JMJD1C: variants seen among roughly 807,000 people sequenced by gnomAD.
JMJD1C encodes the protein jumonji domain containing 1C.
JMJD1C carries 31 observed loss-of-function variants against 245.3 expected under a neutral mutation model. The ratio of observed to expected loss-of-function variants is 0.13; its 90% CI spans 0.09 to 0.17. The LOEUF (loss-of-function observed/expected upper bound fraction) is 0.17. JMJD1C is among the 10% of genes least tolerant of loss of function. The probability of loss-of-function intolerance (pLI) is 1.00; values close to 1 mark genes in which losing one functional copy is unlikely to be tolerated. For missense variants in JMJD1C, 2,691 were observed against 3,000.2 expected, an observed-to-expected ratio of 0.90 and a Z score of 2.41; for synonymous variants, 1,057 against 1,017.4, an observed-to-expected ratio of 1.04 and a Z score of -0.74.
chr10:63,197,057 C>G (rs1336828386), intron 13 of JMJD1C, among the ~76,000 whole-genome samples: 1 of 151,984 alleles, frequency 6.6e-6, no homozygotes, highest in Non-Finnish European at 1.5e-5. Flanking sequence ...TGGAAGCCAG[C>G]CTTGGCCTCC....
intron 1 of JMJD1C, among the ~76,000 whole-genome samples, chr10:63,439,640 C>T (rs1008532676): frequency 1.8e-4 from 28 of 152,212 alleles, no homozygotes; most frequent in Admixed American, 1.4e-3. Flanking sequence ...TCTATTTTAT[C>T]AATCTTATTC....
intron 16 of JMJD1C, among the ~76,000 whole-genome samples, chr10:63,192,074 T>C (rs567785019): frequency 6.8e-6 from 1 of 147,984 alleles, no homozygotes; most frequent in South Asian, 2.1e-4. Flanking sequence ...GGTGGCTATA[T>C]CAATATGCTC....
In JMJD1C at chr10:63,197,570, T is replaced by C. The variant is rs778218913; in HGVS notation, c.5492-7A>G. On this transcript the variant is annotated splice_polypyrimidine_tract_variant and splice_region_variant and intron_variant, in intron 12 of 25. Coordinates refer to ENST00000399262, the MANE Select transcript of JMJD1C (RefSeq NM_032776.3). ...CTTTTCCAGGCAATTTTGGCTGAAA[T>C]ACAGAAAAAACAAAAATTTTAAAGG... 74 of 1,489,540 alleles carry C rather than the reference T, an allele frequency of 5.0e-5. 1 individual carries two copies. The East Asian group carries it at 1.8e-3, about 35-fold the overall frequency. 92.3% of individuals were successfully genotyped at this position (1,489,540 alleles called of 1,614,324 possible).
chr10:63,168,164 T>A, intron 25 of JMJD1C, 30 bp from the exon 26 acceptor site: 1 of 1,416,650 alleles, frequency 7.1e-7, no homozygotes, highest in Non-Finnish European at 9.9e-7. Flanking sequence ...TTCTAATCAC[T>A]TCAGTTCGAC....
chr10:63,490,949 G>A lies in JMJD1C; in HGVS notation n.113+30789C>T, dbSNP rs373355960. ...TGAGCACCTACCATGCACGAAGCAC[G>A]CTAATGAGCAATCTATAGATAGCTC... On this transcript the variant is annotated intron_variant and non_coding_transcript_variant, in intron 1 of 3. Transcript: ENST00000633035. 8.5e-5 allele frequency among the ~76,000 whole-genome samples: 13 copies of A among 152,280 alleles called. 1 individual carries two copies. Among genetic ancestry groups the A allele is most frequent in the South Asian group, 6.2e-4 (3 of 4,820 alleles).
chr10:63,474,856 TAA>T (rs35508893), intron 1 of JMJD1C, among the ~76,000 whole-genome samples: 2 of 144,548 alleles, frequency 1.4e-5, no homozygotes, highest in African/African-American at 2.6e-5. Context: ...CTCAAATTAT[TAA>T]AAAAAAAAAA....
intron 2 of JMJD1C, among the ~76,000 whole-genome samples, chr10:63,315,184 T>C (rs943416973): frequency 1.3e-5 from 2 of 152,146 alleles, no homozygotes; most frequent in African/African-American, 4.8e-5. Context: ...GGTATAACTA[T>C]GTTGCTGAAG....
chr10:63,363,691 G>T (rs933285506), intron 2 of JMJD1C, among the ~76,000 whole-genome samples: 1 of 151,640 alleles, frequency 6.6e-6, no homozygotes, highest in Non-Finnish European at 1.5e-5. Context: ...TAGATTTCAG[G>T]TTTTTCTTTT....
chr10:63,442,643 G>A (rs1413921437), intron 1 of JMJD1C, among the ~76,000 whole-genome samples: 3 of 152,110 alleles, frequency 2.0e-5, no homozygotes, highest in Non-Finnish European at 4.4e-5. Context: ...TACATTTCTT[G>A]CCTCCAAGCA....
intron 3 of JMJD1C, among the ~76,000 whole-genome samples, chr10:63,232,703 T>C (rs987248676): frequency 6.6e-6 from 1 of 152,182 alleles, no homozygotes; most frequent in African/African-American, 2.4e-5. Flanking sequence ...AAGAGAAGTA[T>C]ATGTCATGAG....
At chr10:63,169,108 T>A (rs55908496) in intron 24 of JMJD1C, among the ~76,000 whole-genome samples, 1 of 152,194 alleles carries the variant, frequency 6.6e-6, no homozygotes, top group African/African-American at 2.4e-5. Flanking sequence ...GGATTTTGGT[T>A]ATTCATGCCT....
At chr10:63,190,736 T>G (rs1352369460) in intron 17 of JMJD1C, among the ~76,000 whole-genome samples, 158 bp downstream of exon 17, 2 of 152,178 alleles carry the variant, frequency 1.3e-5, no homozygotes, top group Non-Finnish European at 2.9e-5. Context: ...AATGCCAGCT[T>G]TCAAGGTAAA....
chr10:63,289,112 T>C (rs1463512736), intron 2 of JMJD1C, among the ~76,000 whole-genome samples: 8 of 152,076 alleles, frequency 5.3e-5, no homozygotes, highest in African/African-American at 2.4e-5. Flanking sequence ...GCCTGGCCTC[T>C]GGGAGACTTT....
chr10:63,214,651 G>T lies in JMJD1C; in HGVS notation c.1516C>A (p.Pro506Thr). 1 of 1,614,062 alleles carries T rather than the reference G, an allele frequency of 6.2e-7. No homozygotes were observed. The highest frequency in any genetic ancestry group is 1.1e-5 in the South Asian group (1 of 91,080). The change falls in exon 8 of 26, where the codon CCA becomes ACA. Residue 506 changes from proline to threonine, a missense_variant. Pro to Thr is a conservative substitution (Grantham distance 38). This residue lies in a region of JMJD1C where 1,562 missense variants were observed against 1,490.7 expected (regional missense o/e 1.05). Coordinates refer to ENST00000399262, the MANE Select transcript of JMJD1C (RefSeq NM_032776.3). ...KEKFVSRPPT[P>T]KCVIDITNDT... is the part of the protein sequence containing the mutation. ...TTTGTAATATCAATAACACATTTTG[G>T]TGTGGGTGGTCTGGATACAAACTTC... is the stretch of plus-strand genomic sequence containing the variant.
chr10:63,345,460 C>T (rs1159713970), intron 2 of JMJD1C, among the ~76,000 whole-genome samples: 1 of 146,470 alleles, frequency 6.8e-6, no homozygotes, highest in Non-Finnish European at 1.5e-5. Context: ...TGCACTGCAG[C>T]CTGGGGAACA....
chr10:63,347,452 G>T (rs1943946521), intron 2 of JMJD1C, among the ~76,000 whole-genome samples: 2 of 151,606 alleles, frequency 1.3e-5, no homozygotes, highest in African/African-American at 4.8e-5. Context: ...AGGCATGGTG[G>T]CGCACGCCTG....
intron 1 of JMJD1C, among the ~76,000 whole-genome samples, chr10:63,449,151 A>C (rs531358702): frequency 2.5e-4 from 38 of 152,044 alleles, no homozygotes; most frequent in Non-Finnish European, 5.0e-4. Context: ...ATAAAATGTA[A>C]AGGATTCTAA....
At chr10:63,278,864 C>T (rs1407550081) in intron 2 of JMJD1C, among the ~76,000 whole-genome samples, 3 of 149,238 alleles carry the variant, frequency 2.0e-5, no homozygotes, top group Admixed American at 6.7e-5. Flanking sequence ...AAAAATAGTA[C>T]TGTTATTAAC....
intron 2 of JMJD1C, among the ~76,000 whole-genome samples, chr10:63,315,854 AC>A (rs1239383834): frequency 4.0e-5 from 6 of 149,278 alleles, no homozygotes; most frequent in African/African-American, 9.9e-5. Context: ...AAAAAAAAAA[AC>A]ACCACGAAAA....
Sources: allele counts gnomAD v4.1 joint callset (sites outside exome capture counted in the v4.1 genomes callset), GRCh38; gene constraint gnomAD v4.1.1; regional missense constraint gnomAD v4.1.1; transcripts MANE v1.5; gene names NCBI Gene and HGNC (gene_info 2026-07-23, HGNC 2026-07-21).